PRKCB: variants seen among roughly 807,000 people sequenced by gnomAD.
The protein encoded by PRKCB is protein kinase C beta type.
Under a neutral mutation model 81.5 loss-of-function variants are expected in PRKCB, and 13 were observed. The ratio of observed to expected loss-of-function variants is 0.16; its 90% CI spans 0.10 to 0.25. The LOEUF is 0.25. Among genes scored for constraint, PRKCB ranks in the 10% least tolerant of loss-of-function variants. PRKCB has a pLI of 1.00. For missense variants in PRKCB, 509 were observed against 875.7 expected (o/e 0.58, Z 5.29); for synonymous variants, 335 against 321.4 (o/e 1.04, Z -0.45).
At chr16:24,020,547 G>A (rs1965344233) in intron 3 of PRKCB, among the ~76,000 whole-genome samples, 1 of 151,984 alleles carries the variant, frequency 6.6e-6, no homozygotes, top group African/African-American at 2.4e-5. Context: ...CTGTGTGCAG[G>A]ACACTGTGCT....
chr16:23,965,570 A>G (rs1252092171), intron 2 of PRKCB, among the ~76,000 whole-genome samples: 2 of 152,242 alleles, frequency 1.3e-5, no homozygotes, highest in Non-Finnish European at 2.9e-5. Context: ...ATGAATTTCT[A>G]TGAACAAATA....
chr16:23,839,752 T>C (rs1962234679), intron 2 of PRKCB, among the ~76,000 whole-genome samples: 1 of 152,188 alleles, frequency 6.6e-6, no homozygotes, highest in African/African-American at 2.4e-5. Flanking sequence ...TCCTTGTCTA[T>C]AAAACGGAGT....
intron 16 of PRKCB, among the ~76,000 whole-genome samples, chr16:24,208,920 C>T (rs1422669361): frequency 6.6e-6 from 1 of 152,182 alleles, no homozygotes; most frequent in East Asian, 1.9e-4. Context: ...CCCTCTGTAT[C>T]GCACCCCCTT....
chr16:23,842,625 T>C (rs1423715808), intron 2 of PRKCB, among the ~76,000 whole-genome samples: 1 of 152,182 alleles, frequency 6.6e-6, no homozygotes, highest in Non-Finnish European at 1.5e-5. Context: ...AAAACCCCAG[T>C]GTACAAATTT....
At chr16:23,944,570 C>A (rs985059281) in intron 2 of PRKCB, among the ~76,000 whole-genome samples, 1 of 152,306 alleles carries the variant, frequency 6.6e-6, no homozygotes, top group Non-Finnish European at 1.5e-5. Flanking sequence ...CTCACATGAT[C>A]TCATGATCTC....
chr16:24,178,246 G>C (rs1967565780), intron 12 of PRKCB, among the ~76,000 whole-genome samples: 1 of 152,184 alleles, frequency 6.6e-6, no homozygotes, highest in South Asian at 2.1e-4. Context: ...CACTGTCTCT[G>C]GAATGTGTGT....
At chr16:23,863,257 C>T (rs1373281066) in intron 2 of PRKCB, among the ~76,000 whole-genome samples, 5 of 121,254 alleles carry the variant, frequency 4.1e-5, no homozygotes, top group Admixed American at 2.5e-4. Context: ...TATACACATA[C>T]ACACACACAC....
chr16:23,875,308 G>A (rs1962976047), intron 2 of PRKCB, among the ~76,000 whole-genome samples: 1 of 151,552 alleles, frequency 6.6e-6, no homozygotes, highest in Non-Finnish European at 1.5e-5. Flanking sequence ...CAAAGTGCTG[G>A]GATTACAAGC....
chr16:24,081,082 T>G (rs1444359093), intron 5 of PRKCB, among the ~76,000 whole-genome samples: 1 of 152,202 alleles, frequency 6.6e-6, no homozygotes, highest in Non-Finnish European at 1.5e-5. Context: ...TTTAATAAAG[T>G]ACAATTTATC....
chr16:23,927,041 A>G (rs1210206406), intron 2 of PRKCB, among the ~76,000 whole-genome samples: 1 of 152,156 alleles, frequency 6.6e-6, no homozygotes, highest in African/African-American at 2.4e-5. Context: ...CTCTGCTATT[A>G]CCAAAATTAT....
intron 2 of PRKCB, among the ~76,000 whole-genome samples, chr16:23,875,497 ATATATATATG>A (rs1374710160): frequency 2.7e-5 from 3 of 109,850 alleles, no homozygotes; most frequent in African/African-American, 6.9e-5. Flanking sequence ...ATATATATAT[ATATATATATG>A]ATGTATATCA....
chr16:23,993,795 A>G (rs1291646466), intron 3 of PRKCB, among the ~76,000 whole-genome samples: 1 of 152,226 alleles, frequency 6.6e-6, no homozygotes, highest in African/African-American at 2.4e-5. Flanking sequence ...CAATCGGAAT[A>G]GCCTGACTCA....
intron 9 of PRKCB, among the ~76,000 whole-genome samples, chr16:24,136,548 A>G (rs1966865393): frequency 6.6e-6 from 1 of 152,194 alleles, no homozygotes; most frequent in Non-Finnish European, 1.5e-5. Context: ...CTCTGCAGAT[A>G]CGCATCAGCA....
At chr16:23,882,023 T>TC (rs1963127821) in intron 2 of PRKCB, among the ~76,000 whole-genome samples, 3 of 93,712 alleles carry the variant, frequency 3.2e-5, no homozygotes, top group Non-Finnish European at 6.5e-5. Flanking sequence ...TCTTTCTTTC[T>TC]TCCTTCCTTC....
intron 2 of PRKCB, among the ~76,000 whole-genome samples, chr16:23,950,632 G>T (rs776452717): frequency 6.6e-6 from 1 of 152,160 alleles, no homozygotes; most frequent in Non-Finnish European, 1.5e-5. Flanking sequence ...GTAAACCCAC[G>T]TGTTGGCTGT....
Position 24,191,242 on chromosome 16 carries a change from A to G in PRKCB, c.1863+12A>G, listed in dbSNP as rs1292021944. 3.7e-6 allele frequency: 6 copies of G among 1,613,778 alleles called. No individual in the cohort carries two copies. In the South Asian group the frequency reaches 5.5e-5, roughly 15 times the overall value. On this transcript the variant is annotated intron_variant, in intron 16 of 16. Coordinates refer to ENST00000643927, the MANE Select transcript of PRKCB (RefSeq NM_002738.7). ...ATAAGCCAAAAGCTGTAAGTAGCCC[A>G]TTCTCTCTGACTGCCGGGTATTCAC... is the stretch of plus-strand genomic sequence containing the variant.
At chr16:23,950,145 T>G (rs897487712) in intron 2 of PRKCB, among the ~76,000 whole-genome samples, 3 of 145,942 alleles carry the variant, frequency 2.1e-5, no homozygotes, top group Non-Finnish European at 3.0e-5. Context: ...TTTTTTTTTT[T>G]TTTTTTTTTT....
intron 16 of PRKCB, among the ~76,000 whole-genome samples, chr16:24,196,982 C>T (rs1173342987): frequency 1.3e-5 from 2 of 152,150 alleles, no homozygotes; most frequent in Admixed American, 6.5e-5. Flanking sequence ...CAGACTCTGT[C>T]GCTGAGTGCA....
chr16:23,899,302 A>G (rs1198411465), intron 2 of PRKCB, among the ~76,000 whole-genome samples: 1 of 152,240 alleles, frequency 6.6e-6, no homozygotes, highest in Non-Finnish European at 1.5e-5. Flanking sequence ...ATGGAAGGTC[A>G]AGGTAATAAT....
Sources: gnomAD v4.1 joint callset for allele counts (sites outside exome capture counted in the v4.1 genomes callset) on GRCh38, gnomAD v4.1.1 for gene constraint, MANE v1.5 for transcripts, NCBI Gene and HGNC (gene_info 2026-07-23, HGNC 2026-07-21) for gene names.